Variants in MRPS21 observed in about 807,000 individuals in gnomAD.
The protein encoded by MRPS21 is small ribosomal subunit protein bS21m.
A neutral mutation model predicts 9.9 loss-of-function variants in MRPS21; 8 were observed. The ratio of observed to expected loss-of-function variants is 0.81; its 90% CI spans 0.47 to 1.45. The LOEUF (loss-of-function observed/expected upper bound fraction) is 1.45, where lower values mean the gene tolerates loss of function less well. Ranked by LOEUF, MRPS21 falls within the 40% of genes most tolerant of loss-of-function variation. The pLI, the probability that MRPS21 is intolerant of heterozygous loss-of-function variation, is 0.00. For missense variants in MRPS21, 101 were observed against 118.9 expected, an observed-to-expected ratio of 0.85 and a Z score of 0.70; for synonymous variants, 40 against 40.3, an observed-to-expected ratio of 0.99 and a Z score of 0.03.
chr1:150,296,333 C>G (rs1043429570), intron 2 of MRPS21, among the ~76,000 whole-genome samples: 2 of 152,202 alleles, frequency 1.3e-5, no homozygotes, highest in Non-Finnish European at 2.9e-5. Context: ...TTTTGACTTT[C>G]TGGTATGACT....
At chr1:150,307,950 T>C in intron 2 of MRPS21, 98 bp from the exon 3 acceptor site, 1 of 1,174,446 alleles carries the variant, frequency 8.5e-7, no homozygotes, top group Non-Finnish European at 1.2e-6. Context: ...GTATTTTTTA[T>C]AAATACCAAT....
intron 2 of MRPS21, among the ~76,000 whole-genome samples, chr1:150,300,006 A>G (rs1654058927): frequency 6.6e-6 from 1 of 152,082 alleles, no homozygotes; most frequent in South Asian, 2.1e-4. Context: ...TTTAAAAAAC[A>G]TACCATGAGA....
chr1:150,299,612 G>A (rs3738322), intron 2 of MRPS21, among the ~76,000 whole-genome samples: 7,183 of 152,004 alleles, frequency 0.047, 431 homozygotes, highest in African/African-American at 0.13. Context: ...TTGCCACCAC[G>A]CCTGGCTAGT....
chr1:150,295,710 G>C (rs1653891467), intron 2 of MRPS21, among the ~76,000 whole-genome samples: 1 of 152,078 alleles, frequency 6.6e-6, no homozygotes, highest in South Asian at 2.1e-4. Context: ...GCCTAGTGGG[G>C]AGGATTGCTT....
At chr1:150,305,138 TC>T (rs1354204986) in intron 2 of MRPS21, 7 of 209,716 alleles carry the variant, frequency 3.3e-5, no homozygotes, top group Non-Finnish European at 6.0e-5. Context: ...AAAGCATTTC[TC>T]CCATTCTCCC....
At position 150,307,442 on chromosome 1, in the gene MRPS21, T is replaced by G. The variant is rs1260398; in HGVS notation, c.84-606T>G. The stretch of plus-strand genomic sequence containing the variant: ...GTAGGATCTCAGCTCACTGCAGCCA[T>G]GAACTCCCAGGTTCAATTGATCCTC... On this transcript the variant is annotated intron_variant, in intron 2 of 2. Transcript: ENST00000614145. 2.0e-5 allele frequency among the ~76,000 whole-genome samples: 3 copies of G among 147,352 alleles called. No homozygotes were observed. In the East Asian group the frequency reaches 6.0e-4, roughly 30 times the overall value.
chr1:150,297,602 TA>T (rs1653962871), intron 2 of MRPS21, among the ~76,000 whole-genome samples: 1 of 151,046 alleles, frequency 6.6e-6, no homozygotes, highest in Non-Finnish European at 1.5e-5. Context: ...ACCTGGGAAA[TA>T]GAGGCTGCAG....
intron 2 of MRPS21, among the ~76,000 whole-genome samples, chr1:150,298,437 A>G (rs1214901494): frequency 1.3e-5 from 2 of 152,220 alleles, no homozygotes; most frequent in Non-Finnish European, 1.5e-5. Flanking sequence ...TTGTTATTGA[A>G]AGATCAAAGG....
In MRPS21 at chr1:150,308,249, A is replaced by G. The variant is rs782406343; in HGVS notation, c.*21A>G. On this transcript the variant is annotated 3_prime_UTR_variant, in exon 3 of 3. Transcript: ENST00000614145. ...GCTGAGGCCTGTGGGTGGGACACCC[A>G]GTGCGAAACCCTCATCCAGTTTTCT... 6 of 1,577,746 alleles carry G rather than the reference A, an allele frequency of 3.8e-6. No individual in the cohort carries two copies. The highest frequency in any genetic ancestry group is 5.2e-6 in the Non-Finnish European group (6 of 1,151,044).
chr1:150,303,176 T>G (rs1412550948), intron 2 of MRPS21, among the ~76,000 whole-genome samples: 1 of 152,220 alleles, frequency 6.6e-6, no homozygotes. Flanking sequence ...CATCCTACTT[T>G]TAAACTGTCT....
chr1:150,299,220 T>C (rs1553857146), intron 2 of MRPS21, among the ~76,000 whole-genome samples: 1 of 152,084 alleles, frequency 6.6e-6, no homozygotes, highest in Non-Finnish European at 1.5e-5. Context: ...AAACAGAATC[T>C]GAGAAACAAA....
chr1:150,298,369 C>T (rs1384008355), intron 2 of MRPS21, among the ~76,000 whole-genome samples: 6 of 152,088 alleles, frequency 3.9e-5, no homozygotes, highest in African/African-American at 1.2e-4. Flanking sequence ...AAATCTTCTT[C>T]TGTATGATTT....
intron 1 of MRPS21, 193 bp downstream of exon 1, chr1:150,294,091 G>A: frequency 2.7e-6 from 1 of 374,732 alleles, no homozygotes; most frequent in Non-Finnish European, 5.2e-6. Flanking sequence ...CTCATGCCCG[G>A]CGACGCGTCT....
chr1:150,297,059 A>G (rs1653937166), intron 2 of MRPS21, among the ~76,000 whole-genome samples: 1 of 152,094 alleles, frequency 6.6e-6, no homozygotes, highest in South Asian at 2.1e-4. Context: ...TGGGAGGCCA[A>G]GGCGGGCGGA....
chr1:150,294,154 C>T (rs587651488), intron 1 of MRPS21, 181 bp from the exon 2 acceptor site: 3 of 502,906 alleles, frequency 6.0e-6, no homozygotes, highest in African/African-American at 3.9e-5. Context: ...AGGATTTGGA[C>T]TGGCAGTGAG....
chr1:150,294,157 G>T (rs1402782318), intron 1 of MRPS21, 178 bp from the exon 2 acceptor site: 9 of 509,332 alleles, frequency 1.8e-5, no homozygotes, highest in Admixed American at 3.2e-5. Flanking sequence ...ATTTGGACTG[G>T]CAGTGAGAAT....
chr1:150,299,655 A>T (rs1310733959), intron 2 of MRPS21, among the ~76,000 whole-genome samples: 2 of 151,906 alleles, frequency 1.3e-5, no homozygotes, highest in Admixed American at 1.3e-4. Flanking sequence ...GGGTTTCACC[A>T]TGTTGGCCAG....
intron 2 of MRPS21, 36 bp from the exon 3 acceptor site, chr1:150,308,012 C>T (rs1553858788): frequency 6.7e-7 from 1 of 1,494,488 alleles, no homozygotes; most frequent in Admixed American, 2.0e-5. Context: ...TAATGATGAT[C>T]CCAAATGTCT....
intron 2 of MRPS21, among the ~76,000 whole-genome samples, chr1:150,299,543 C>G (rs1248536625): frequency 4.6e-5 from 7 of 152,142 alleles, no homozygotes; most frequent in Non-Finnish European, 4.4e-5. Flanking sequence ...CAACCTCCGC[C>G]TCCCAGGTTC....
Sources: gnomAD v4.1 joint callset for allele counts (sites outside exome capture counted in the v4.1 genomes callset) on GRCh38, gnomAD v4.1.1 for gene constraint, MANE v1.5 for transcripts, NCBI Gene and HGNC (gene_info 2026-07-23, HGNC 2026-07-21) for gene names.